The following CCDC66 variants were observed in gnomAD, a reference collection of about 807,000 sequenced individuals.
CCDC66 encodes coiled-coil domain-containing protein 66.
In CCDC66, 133 loss-of-function variants were observed where a neutral mutation model predicts 128.3. The observed-to-expected ratio is 1.04, with a 90% CI of 0.90 to 1.20. The LOEUF is 1.20. Ranked by LOEUF, CCDC66 falls within the 50% of genes most tolerant of loss-of-function variation. The pLI is 0.00. For synonymous variants in CCDC66, 387 were observed against 357.0 expected, an observed-to-expected ratio of 1.08 and a Z score of -0.95; for missense variants, 1,126 against 1,075.5, an observed-to-expected ratio of 1.05 and a Z score of -0.66.
intron 10 of CCDC66, among the ~76,000 whole-genome samples, chr3:56,613,007 T>C (rs1045166611): frequency 3.3e-5 from 5 of 152,196 alleles, no homozygotes; most frequent in African/African-American, 1.2e-4. Context: ...GGGTTTGCTT[T>C]CAGTGGGTTG....
Position 56,621,675 on chromosome 3 carries a change from C to A in CCDC66, c.*57C>A. On this transcript the variant is annotated 3_prime_UTR_variant, in exon 18 of 18. Coordinates refer to ENST00000394672, the MANE Select transcript of CCDC66 (RefSeq NM_001141947.3). ...TGTGTCTTCCAAATTATAAAATGTG[C>A]TCACTGGCTCAACTGTATTTTTCAA... 1 of 1,190,876 alleles carries A rather than the reference C, an allele frequency of 8.4e-7. No individual in the cohort carries two copies. Among genetic ancestry groups the A allele is most frequent in the Non-Finnish European group, 1.2e-6 (1 of 824,760 alleles). 73.8% of individuals were successfully genotyped at this position (1,190,876 alleles called of 1,614,324 possible).
At chr3:56,585,350 A>AAAG (rs1160128042) in intron 7 of CCDC66, among the ~76,000 whole-genome samples, 1 of 151,828 alleles carries the variant, frequency 6.6e-6, no homozygotes, top group African/African-American at 2.4e-5. Context: ...CAGTGAGGAA[A>AAAG]AAGAAGAAAT....
At chr3:56,618,510 G>A (rs1163757573) in intron 15 of CCDC66, 1 of 295,326 alleles carries the variant, frequency 3.4e-6, no homozygotes, top group Non-Finnish European at 6.2e-6. Context: ...TTCTGCTTTG[G>A]GAGGAGGGAT....
intron 3 of CCDC66, 31 bp from the exon 4 acceptor site, chr3:56,563,653 T>G (rs1189775480): frequency 1.3e-6 from 2 of 1,486,612 alleles, no homozygotes; most frequent in African/African-American, 2.8e-5. Context: ...CTTGGACAGT[T>G]ATAAAGAATA....
chr3:56,562,886 A>G (rs559905709), intron 3 of CCDC66, among the ~76,000 whole-genome samples: 7 of 151,312 alleles, frequency 4.6e-5, no homozygotes, highest in Non-Finnish European at 1.0e-4. Context: ...ACCTCAGGCA[A>G]TCCACCCACC....
intron 7 of CCDC66, among the ~76,000 whole-genome samples, chr3:56,583,619 A>AGG (rs1332447547): frequency 1.8e-4 from 28 of 151,932 alleles, no homozygotes; most frequent in Non-Finnish European, 4.4e-5. Context: ...GTTGGGGGCA[A>AGG]GGTCATAGAT....
At chr3:56,573,250 T>C (rs1215596990) in intron 7 of CCDC66, among the ~76,000 whole-genome samples, 1 of 152,166 alleles carries the variant, frequency 6.6e-6, no homozygotes, top group African/African-American at 2.4e-5. Context: ...TTTTAAAATA[T>C]TTTGTATATA....
chr3:56,584,249 C>T (rs1303048285), intron 7 of CCDC66, among the ~76,000 whole-genome samples: 1 of 149,798 alleles, frequency 6.7e-6, no homozygotes, highest in Non-Finnish European at 1.5e-5. Context: ...CTCCTCACTT[C>T]TCAGACGGGG....
At chr3:56,583,377 GTGGAGGGAA>G (rs1243402440) in intron 7 of CCDC66, among the ~76,000 whole-genome samples, 2 of 151,868 alleles carry the variant, frequency 1.3e-5, no homozygotes, top group Non-Finnish European at 2.9e-5. Flanking sequence ...TAGGACAATA[GTGGAGGGAA>G]GGTCAGCAGA....
chr3:56,567,850 C>G (rs112059632), intron 6 of CCDC66, among the ~76,000 whole-genome samples: 19 of 151,922 alleles, frequency 1.3e-4, no homozygotes, highest in Non-Finnish European at 2.5e-4. Context: ...CTACCACGCC[C>G]GGCTAATTTT....
chr3:56,560,301 T>A (rs1170081900), intron 3 of CCDC66, among the ~76,000 whole-genome samples: 1 of 152,220 alleles, frequency 6.6e-6, no homozygotes, highest in Non-Finnish European at 1.5e-5. Context: ...GGCATAATCA[T>A]GGCTGCAGAT....
intron 10 of CCDC66, among the ~76,000 whole-genome samples, chr3:56,601,407 G>A (rs1344552221): frequency 3.3e-5 from 5 of 152,094 alleles, no homozygotes; most frequent in African/African-American, 1.2e-4. Context: ...GAGACAGCAT[G>A]ATGCCTCCAG....
At chr3:56,616,504 C>T (rs1004236230) in intron 13 of CCDC66, 1 of 159,394 alleles carries the variant, frequency 6.3e-6, no homozygotes, top group Non-Finnish European at 1.4e-5. Flanking sequence ...GTACTTCATT[C>T]CTGTTTGTCA....
intron 13 of CCDC66, chr3:56,616,808 GTTA>G: frequency 3.9e-6 from 1 of 257,968 alleles, no homozygotes; most frequent in Non-Finnish European, 7.3e-6. Context: ...GCCAGCCCTT[GTTA>G]TTCTACTGGT....
chr3:56,583,751 C>T (rs1170088804), intron 7 of CCDC66, among the ~76,000 whole-genome samples: 1 of 151,866 alleles, frequency 6.6e-6, no homozygotes, highest in Non-Finnish European at 1.5e-5. Flanking sequence ...CCCACATTTC[C>T]CCCTTTTCTA....
At chr3:56,575,766 G>A (rs1452476131) in intron 7 of CCDC66, among the ~76,000 whole-genome samples, 1 of 151,728 alleles carries the variant, frequency 6.6e-6, no homozygotes, top group Non-Finnish European at 1.5e-5. Context: ...ATGGTATAAG[G>A]TCAGGGCCCT....
At chr3:56,612,756 G>A (rs2075017810) in intron 10 of CCDC66, among the ~76,000 whole-genome samples, 2 of 152,294 alleles carry the variant, frequency 1.3e-5, no homozygotes, top group South Asian at 4.1e-4. Flanking sequence ...CATACTCTAG[G>A]AGGAGTGCTC....
At chr3:56,610,111 T>C (rs2074590756) in intron 10 of CCDC66, among the ~76,000 whole-genome samples, 3 of 152,236 alleles carry the variant, frequency 2.0e-5, no homozygotes, top group Admixed American at 6.5e-5. Context: ...TGTGTATGCA[T>C]GTCTAGGTCT....
chr3:56,581,068 C>T (rs1307101801), intron 7 of CCDC66, among the ~76,000 whole-genome samples: 1 of 151,852 alleles, frequency 6.6e-6, no homozygotes, highest in African/African-American at 2.4e-5. Flanking sequence ...TTGGTCTTTT[C>T]ACATAGTCCC....
Sources: gnomAD v4.1 joint callset for allele counts (sites outside exome capture counted in the v4.1 genomes callset) on GRCh38, gnomAD v4.1.1 for gene constraint, MANE v1.5 for transcripts, NCBI Gene and HGNC (gene_info 2026-07-23, HGNC 2026-07-21) for gene names.